RABGAP1L: variants seen among roughly 807,000 people sequenced by gnomAD.
RABGAP1L encodes RAB GTPase activating protein 1 like.
Under a neutral mutation model 137.7 loss-of-function variants are expected in RABGAP1L, and 63 were observed. The ratio of observed to expected loss-of-function variants is 0.46; its 90% CI spans 0.37 to 0.56. The LOEUF is 0.56. Ranked by LOEUF, RABGAP1L falls within the 20% of genes least tolerant of loss-of-function variation. The pLI, the probability that RABGAP1L is intolerant of heterozygous loss-of-function variation, is 0.00. For synonymous variants in RABGAP1L, 431 were observed against 433.7 expected (o/e 0.99, Z 0.08); for missense variants, 1,095 against 1,244.0 (o/e 0.88, Z 1.80).
intron 13 of RABGAP1L, among the ~76,000 whole-genome samples, chr1:174,569,182 A>C (rs1451473108): frequency 6.6e-6 from 1 of 152,212 alleles, no homozygotes; most frequent in African/African-American, 2.4e-5. Flanking sequence ...TGATGACTCC[A>C]AGTGAAAAAC....
rs1460368360 is a variant in RABGAP1L, at chr1:174,582,957, A to G, written c.1711-54418A>G. On this transcript the variant is annotated intron_variant, in intron 13 of 25. Transcript: ENST00000681986. Reference sequence around the variant, plus strand: ...ATGCAAACTATGGCGTATGTATTATACACTTTATTAGGGATTTCAAATTAT... The same window carrying G: ...ATGCAAACTATGGCGTATGTATTATGCACTTTATTAGGGATTTCAAATTAT... Among the ~76,000 whole-genome samples the G allele has an allele frequency of 2.0e-5, 3 of 152,190 alleles. No homozygotes were observed. The East Asian group carries it at 5.8e-4, about 29-fold the overall frequency.
At position 174,448,133 on chromosome 1, in the gene RABGAP1L, G is replaced by A. The variant is rs950709827; in HGVS notation, c.1710+53988G>A. 6.2e-7 allele frequency: 1 copy of A among 1,612,926 alleles called. No individual in the cohort carries two copies. The highest frequency in any genetic ancestry group is 8.5e-7 in the Non-Finnish European group (1 of 1,179,216). ...AGCCATGAATGAATCCAGGTGGACT[G>A]AATGGAGGATCCTGAACATGAGCAG... On this transcript the variant is annotated intron_variant, in intron 13 of 25. Coordinates refer to ENST00000681986, the MANE Select transcript of RABGAP1L (RefSeq NM_001366446.1). The surrounding 1 kb of genome is among the most constrained non-coding windows in gnomAD (Gnocchi z 4.2).
At chr1:174,606,127 T>C (rs990732718) in intron 13 of RABGAP1L, among the ~76,000 whole-genome samples, 2 of 152,214 alleles carry the variant, frequency 1.3e-5, no homozygotes. Flanking sequence ...CATTCATGCA[T>C]AGCTTTTAAT....
At chr1:174,821,648 C>G (rs1438973309) in intron 19 of RABGAP1L, among the ~76,000 whole-genome samples, 3 of 152,172 alleles carry the variant, frequency 2.0e-5, no homozygotes, top group Non-Finnish European at 4.4e-5. Context: ...AGCAATTTAC[C>G]TCTAATTTCT....
intron 13 of RABGAP1L, among the ~76,000 whole-genome samples, chr1:174,602,181 G>T (rs1557887253): frequency 6.6e-6 from 1 of 152,124 alleles, no homozygotes; most frequent in Non-Finnish European, 1.5e-5. Flanking sequence ...CTATTAGTCT[G>T]TTTTTATGCT....
At chr1:174,578,630 A>ATG (rs1464797466) in intron 13 of RABGAP1L, among the ~76,000 whole-genome samples, 7 of 152,226 alleles carry the variant, frequency 4.6e-5, no homozygotes, top group Non-Finnish European at 1.0e-4. Flanking sequence ...TGAAGAGGTT[A>ATG]ATTTTAACAA....
intron 13 of RABGAP1L, among the ~76,000 whole-genome samples, chr1:174,512,516 A>G (rs1441828819): frequency 1.3e-5 from 2 of 152,226 alleles, no homozygotes; most frequent in African/African-American, 4.8e-5. Flanking sequence ...TAAAATTTAC[A>G]TGTTATACTT....
At chr1:174,690,079 A>G (rs1678767448) in intron 15 of RABGAP1L, among the ~76,000 whole-genome samples, 1 of 152,196 alleles carries the variant, frequency 6.6e-6, no homozygotes, top group Non-Finnish European at 1.5e-5. Context: ...CCTAATACAC[A>G]CAAACATTTT....
At chr1:174,430,407 C>T (rs954840103) in intron 13 of RABGAP1L, among the ~76,000 whole-genome samples, 1 of 151,842 alleles carries the variant, frequency 6.6e-6, no homozygotes, top group Non-Finnish European at 1.5e-5. Context: ...TCTTATAGCA[C>T]CCTCATGATT....
At chr1:174,731,517 AT>A (rs375018669) in intron 17 of RABGAP1L, among the ~76,000 whole-genome samples, 13 of 152,052 alleles carry the variant, frequency 8.5e-5, no homozygotes, top group African/African-American at 3.1e-4. Flanking sequence ...CTTTTGAGGT[AT>A]TTTTTTTCTA....
At chr1:174,711,817 C>G (rs575223023) in intron 17 of RABGAP1L, among the ~76,000 whole-genome samples, 19 of 152,244 alleles carry the variant, frequency 1.2e-4, no homozygotes, top group Admixed American at 3.9e-4. Context: ...GTGGGTACCT[C>G]CACCCATGGC....
chr1:174,194,642 A>G (rs1413799991), intron 1 of RABGAP1L, among the ~76,000 whole-genome samples: 1 of 152,218 alleles, frequency 6.6e-6, no homozygotes, highest in Non-Finnish European at 1.5e-5. Flanking sequence ...GAAAAGTGCT[A>G]AGATTGTTAT....
At chr1:174,639,193 A>AT (rs1182080767) in intron 14 of RABGAP1L, among the ~76,000 whole-genome samples, 3 of 151,752 alleles carry the variant, frequency 2.0e-5, no homozygotes, top group Non-Finnish European at 2.9e-5. Context: ...TCTCTCTCAT[A>AT]TTTTTTTATC....
chr1:174,259,393 G>C lies in RABGAP1L; in HGVS notation c.986+6803G>C, dbSNP rs150329205. On this transcript the variant is annotated intron_variant, in intron 7 of 25. Transcript: ENST00000681986. The stretch of plus-strand genomic sequence containing the variant: ...CTATTATCTTCATTTTTCAGTTGAG[G>C]AAACTGAGGTACAAAAGTTACATAA... Among the ~76,000 whole-genome samples, 25 of 152,246 alleles carry C rather than the reference G, an allele frequency of 1.6e-4. No individual in the cohort carries two copies. In the East Asian group the frequency reaches 4.8e-3, roughly 29 times the overall value.
At chr1:174,762,245 C>T (rs1317527278) in intron 18 of RABGAP1L, among the ~76,000 whole-genome samples, 1 of 152,204 alleles carries the variant, frequency 6.6e-6, no homozygotes. Flanking sequence ...TTTTTATGAT[C>T]TGGCACAACT....
chr1:174,830,217 T>C (rs1285216671), intron 19 of RABGAP1L, among the ~76,000 whole-genome samples: 1 of 147,196 alleles, frequency 6.8e-6, no homozygotes, highest in Non-Finnish European at 1.5e-5. Context: ...GAGTCATGAC[T>C]GATTAGAAGC....
Position 174,463,512 on chromosome 1 carries a change from TG to T in RABGAP1L, c.1710+69371del, listed in dbSNP as rs1398075825. 9.7e-5 allele frequency among the ~76,000 whole-genome samples: 9 copies of T among 92,660 alleles called. No homozygotes were observed. The South Asian group carries it at 1.6e-3, about 17-fold the overall frequency. The allele number at this position is 92,660 out of a possible 152,430, so 60.8% of individuals were successfully genotyped here. On this transcript the variant is annotated intron_variant, in intron 13 of 25. Transcript: ENST00000681986. ...GAACATCACACTCTGGGGACTGTTG[TG>T]GGGTGGGGGAGGGGGAAGGGATAGC...
intron 18 of RABGAP1L, among the ~76,000 whole-genome samples, chr1:174,771,729 A>G (rs1220158431): frequency 6.6e-6 from 1 of 152,226 alleles, no homozygotes; most frequent in Non-Finnish European, 1.5e-5. Flanking sequence ...TGTTGGATCT[A>G]TGTAAAAAAA....
chr1:174,962,306 C>T (rs1424348070), intron 20 of RABGAP1L, among the ~76,000 whole-genome samples: 1 of 147,994 alleles, frequency 6.8e-6, no homozygotes, highest in Non-Finnish European at 1.5e-5. Flanking sequence ...ATCTGGAATG[C>T]TTAAACTCTC....
Sources: gnomAD v4.1 joint callset for allele counts (sites outside exome capture counted in the v4.1 genomes callset) on GRCh38, gnomAD v4.1.1 for gene constraint, Gnocchi (gnomAD v3.1) non-coding constraint, MANE v1.5 for transcripts, NCBI Gene and HGNC (gene_info 2026-07-23, HGNC 2026-07-21) for gene names.